The following SLC9A6 variants were observed in gnomAD, a reference collection of about 807,000 sequenced individuals.
The protein encoded by SLC9A6 is solute carrier family 9 member A6.
SLC9A6 carries 6 observed loss-of-function variants against 45.3 expected under a neutral mutation model. The ratio of observed to expected loss-of-function variants is 0.13; its 90% CI spans 0.07 to 0.26. The LOEUF (loss-of-function observed/expected upper bound fraction) is 0.26. SLC9A6 is among the 10% of genes least tolerant of loss of function. The pLI is 1.00. For synonymous variants in SLC9A6, 191 were observed against 187.7 expected, an observed-to-expected ratio of 1.02 and a Z score of -0.14; for missense variants, 278 against 503.7, an observed-to-expected ratio of 0.55 and a Z score of 4.29.
At chrX:135,984,587 T>A (rs1215538986), upstream of SLC9A6, among the ~76,000 whole-genome samples, 1 of 111,230 alleles carries the variant, frequency 9.0e-6, no homozygotes, top group Non-Finnish European at 1.9e-5. Context: ...AAAATTCTGG[T>A]GAGAGAGGTT....
intron 7 of SLC9A6, among the ~76,000 whole-genome samples, chrX:136,005,716 C>T (rs1232573159): frequency 1.8e-5 from 2 of 109,345 alleles, no homozygotes; most frequent in Non-Finnish European, 3.8e-5. Context: ...CTTTCCATAG[C>T]ATTTCTCACA....
Position 136,029,691 on chromosome X carries a change from A to G in SLC9A6, c.1551-441A>G, listed in dbSNP as rs782616310. 1.5e-4 allele frequency: 23 copies of G among 149,555 alleles called. No homozygotes were observed. The South Asian group carries it at 3.6e-3, about 23-fold the overall frequency. 12.3% of individuals were successfully genotyped at this position (149,555 alleles called of 1,213,427 possible). On this transcript the variant is annotated intron_variant, in intron 14 of 17. Coordinates refer to ENST00000630721, the MANE Select transcript of SLC9A6 (RefSeq NM_001379110.1). ...CTAATGTCTATCCATTAGCCTATGA[A>G]AAACCTGTAATTGGGCCCTCTCTTC...
In SLC9A6 at chrX:135,998,231, G is replaced by A. The variant is rs782606505; in HGVS notation, c.447+46G>A. The A allele has an allele frequency of 6.2e-6, 5 of 801,389 alleles. No homozygotes were observed. The East Asian group carries it at 1.6e-4, about 25-fold the overall frequency. 66.0% of individuals were successfully genotyped at this position (801,389 alleles called of 1,213,427 possible). A position where few individuals can be genotyped will look rare whatever the true frequency, so the allele number is the denominator to read the frequency against. Reference sequence around the variant, plus strand: ...TATACTTTGAATAATCTTAAACTCAGTGGGCTTTGTAATATTTGACACTTC... The same window carrying A: ...TATACTTTGAATAATCTTAAACTCAATGGGCTTTGTAATATTTGACACTTC... On this transcript the variant is annotated intron_variant, in intron 4 of 17. Transcript: ENST00000630721.
At chrX:136,009,656 A>G (rs946206437) in intron 7 of SLC9A6, among the ~76,000 whole-genome samples, 2 of 112,342 alleles carry the variant, frequency 1.8e-5, no homozygotes, top group Non-Finnish European at 3.8e-5. Flanking sequence ...GGCAACAGCA[A>G]TTTTCTCAGG....
intron 7 of SLC9A6, among the ~76,000 whole-genome samples, chrX:136,009,469 A>T (rs12837924): frequency 8.9e-6 from 1 of 111,837 alleles, no homozygotes; most frequent in African/African-American, 3.3e-5. Context: ...TCAGAAAAAA[A>T]CATTGCAGCA....
chrX:136,026,988 C>T (rs926686077), intron 13 of SLC9A6, among the ~76,000 whole-genome samples: 2 of 111,695 alleles, frequency 1.8e-5, no homozygotes, highest in Non-Finnish European at 3.8e-5. Flanking sequence ...TGCTACAATG[C>T]ATAGGACAGG....
chrX:136,042,015 T>A (rs1380836349), intron 17 of SLC9A6, among the ~76,000 whole-genome samples: 1 of 110,177 alleles, frequency 9.1e-6, no homozygotes, highest in Non-Finnish European at 1.9e-5. Context: ...CTCCTATTCA[T>A]AAGGACACCA....
At chrX:136,033,979 T>G (rs1445316617) in intron 16 of SLC9A6, among the ~76,000 whole-genome samples, 2 of 111,913 alleles carry the variant, frequency 1.8e-5, no homozygotes, top group Non-Finnish European at 3.8e-5. Context: ...GACTAGGAGA[T>G]TCTCTCTGTT....
intron 11 of SLC9A6, among the ~76,000 whole-genome samples, chrX:136,020,405 G>C (rs782786282): frequency 1.8e-5 from 2 of 110,685 alleles, no homozygotes; most frequent in Non-Finnish European, 3.8e-5. Context: ...AGACTGGAGT[G>C]CAATGGCATG....
upstream of SLC9A6, chrX:135,985,394 C>T: frequency 2.1e-6 from 1 of 467,407 alleles, no homozygotes; most frequent in Non-Finnish European, 3.1e-6. Flanking sequence ...GGCGGCGGCG[C>T]GCGCTCCGAC....
chrX:136,037,367 A>G (rs1302345838), intron 16 of SLC9A6, among the ~76,000 whole-genome samples: 3 of 112,225 alleles, frequency 2.7e-5, no homozygotes, highest in African/African-American at 9.7e-5. Context: ...TATCATAAAC[A>G]CAGCATATTG....
chrX:136,009,357 G>A (rs1486754123), intron 7 of SLC9A6, among the ~76,000 whole-genome samples: 7 of 111,387 alleles, frequency 6.3e-5, no homozygotes, highest in African/African-American at 2.0e-4. Context: ...AATAAAATAA[G>A]TACAAATTAG....
rs1603225936 is a variant in SLC9A6 at position 136,044,703 on chromosome X, T to C, written c.2019T>C (p.Asn673=). ...DSEPPLNLLD[N]TRHGPA ...AACCCCCGCTAAATTTGTTAGATAA[T>C]ACGAGACATGGTCCAGCCTAAGCTT... Residue 673 remains asparagine (N), a synonymous_variant, in exon 18 of 18, where the codon AAT becomes AAC. Coordinates refer to ENST00000630721, the MANE Select transcript of SLC9A6 (RefSeq NM_001379110.1). 8.3e-7 allele frequency: 1 copy of C among 1,211,060 alleles called. No homozygotes were observed. Among genetic ancestry groups the C allele is most frequent in the African/African-American group, 1.7e-5 (1 of 57,697 alleles).
upstream of SLC9A6, among the ~76,000 whole-genome samples, chrX:135,982,062 A>G (rs782457784): frequency 8.9e-6 from 1 of 112,110 alleles, no homozygotes; most frequent in Non-Finnish European, 1.9e-5. Context: ...ATGTCACAAA[A>G]TATTCTTTAA....
At chrX:136,015,832 T>C (rs931661371) in intron 10 of SLC9A6, among the ~76,000 whole-genome samples, 11 of 111,542 alleles carry the variant, frequency 9.9e-5, no homozygotes, top group African/African-American at 3.6e-4. Flanking sequence ...AGCCTAAGCA[T>C]TTTCATTCTT....
chrX:136,005,878 C>T (rs781921728), intron 7 of SLC9A6, among the ~76,000 whole-genome samples: 5 of 111,500 alleles, frequency 4.5e-5, no homozygotes, highest in South Asian at 3.8e-4. Flanking sequence ...AGAGATAATA[C>T]GTTAACTCAT....
intron 1 of SLC9A6, chrX:135,975,019 C>T: frequency 1.0e-5 from 2 of 197,620 alleles, no homozygotes; most frequent in Non-Finnish European, 1.9e-5. Flanking sequence ...CTCCCCTTGA[C>T]CTCATCACTC....
intron 2 of SLC9A6, among the ~76,000 whole-genome samples, chrX:135,991,492 A>G (rs2089429256): frequency 9.0e-6 from 1 of 110,844 alleles, no homozygotes; most frequent in Non-Finnish European, 1.9e-5. Context: ...TCTTGACCTC[A>G]AGTGATCCAC....
At chrX:136,009,560 T>G (rs1334015307) in intron 7 of SLC9A6, among the ~76,000 whole-genome samples, 1 of 112,272 alleles carries the variant, frequency 8.9e-6, no homozygotes, top group Non-Finnish European at 1.9e-5. Flanking sequence ...TGTTGTTGAG[T>G]CTGGACTTTT....
Sources: gnomAD v4.1 joint callset for allele counts (sites outside exome capture counted in the v4.1 genomes callset) on GRCh38, gnomAD v4.1.1 for gene constraint, MANE v1.5 for transcripts, NCBI Gene and HGNC (gene_info 2026-07-23, HGNC 2026-07-21) for gene names.